Variants in RANBP2 observed in about 807,000 individuals in gnomAD.
The protein encoded by RANBP2 is RAN binding protein 2.
A neutral mutation model predicts 303.6 loss-of-function variants in RANBP2; 57 were observed. The ratio of observed to expected loss-of-function variants is 0.19; its 90% confidence interval spans 0.15 to 0.23. The LOEUF is 0.23. RANBP2 is among the 10% of genes least tolerant of loss of function. The probability of loss-of-function intolerance (pLI) is 1.00; values close to 1 mark genes in which losing one functional copy is unlikely to be tolerated. For synonymous variants in RANBP2, 1,167 were observed against 1,301.5 expected, an observed-to-expected ratio of 0.90 and a Z score of 2.23; for missense variants, 3,138 against 3,780.8, an observed-to-expected ratio of 0.83 and a Z score of 4.46.
chr2:109,372,504 G>A, the RANBP2 span, among the ~76,000 whole-genome samples: 1 of 152,216 alleles, frequency 6.6e-6, no homozygotes, highest in Non-Finnish European at 1.5e-5. Flanking sequence ...TTGTGTGCCA[G>A]ACACTTGGAA....
the RANBP2 span, among the ~76,000 whole-genome samples, chr2:109,249,191 A>G: frequency 6.6e-6 from 1 of 151,910 alleles, no homozygotes; most frequent in Non-Finnish European, 1.5e-5. Context: ...CAAGAACTAC[A>G]CTCGTTAACT....
chr2:109,621,914 A>AAAATAAATAAATAAATAAAT, the RANBP2 span, among the ~76,000 whole-genome samples: 2,572 of 146,546 alleles, frequency 0.018, 34 homozygotes, highest in African/African-American at 0.024. Context: ...CTCCATCTCA[A>AAAATAAATAAATAAATAAAT]AAATAAATAA....
chr2:108,848,313 C>T, the RANBP2 span, among the ~76,000 whole-genome samples: 1 of 152,122 alleles, frequency 6.6e-6, no homozygotes, highest in African/African-American at 2.4e-5. Context: ...TCTGTCACCA[C>T]TTGTGTGCAG....
the RANBP2 span, among the ~76,000 whole-genome samples, chr2:109,550,335 C>T: frequency 5.9e-4 from 88 of 149,966 alleles, no homozygotes; most frequent in African/African-American, 2.1e-3. Flanking sequence ...TTTTTTGAGA[C>T]GGATTCTCGC....
At chr2:108,795,603 G>A in the RANBP2 span, among the ~76,000 whole-genome samples, 2 of 152,192 alleles carry the variant, frequency 1.3e-5, no homozygotes, top group Admixed American at 6.5e-5. Flanking sequence ...ATTTCGTTTT[G>A]TCAAAGTAAT....
At chr2:108,906,081 A>G in the RANBP2 span, among the ~76,000 whole-genome samples, 1 of 149,404 alleles carries the variant, frequency 6.7e-6, no homozygotes, top group Admixed American at 6.6e-5. Context: ...CTCCCGCCCC[A>G]TGAGGGGAAG....
chr2:109,523,111 G>A, the RANBP2 span, among the ~76,000 whole-genome samples: 1 of 152,152 alleles, frequency 6.6e-6, no homozygotes, highest in Admixed American at 6.5e-5. Context: ...GGTTGCCTGG[G>A]GGTAGTCAGA....
At chr2:109,278,161 A>C in the RANBP2 span, among the ~76,000 whole-genome samples, 1 of 149,936 alleles carries the variant, frequency 6.7e-6, no homozygotes, top group African/African-American at 2.5e-5. Context: ...TGAGTGATAG[A>C]GCAAGACCCA....
At chr2:109,195,962 T>G in the RANBP2 span, among the ~76,000 whole-genome samples, 1 of 152,204 alleles carries the variant, frequency 6.6e-6, no homozygotes, top group Non-Finnish European at 1.5e-5. Flanking sequence ...CCAGGTACCT[T>G]GCGGGCCTTC....
the RANBP2 span, among the ~76,000 whole-genome samples, chr2:109,650,911 A>G: frequency 6.6e-6 from 1 of 152,120 alleles, no homozygotes; most frequent in African/African-American, 2.4e-5. Context: ...TAATACGACA[A>G]CCTAGCAGGA....
the RANBP2 span, among the ~76,000 whole-genome samples, chr2:109,415,863 G>A: frequency 2.6e-5 from 4 of 152,150 alleles, no homozygotes; most frequent in South Asian, 4.1e-4. Context: ...TCCCCCAGGC[G>A]CAGCACTGAG....
the RANBP2 span, among the ~76,000 whole-genome samples, chr2:109,509,617 G>T: frequency 6.6e-6 from 1 of 152,068 alleles, no homozygotes; most frequent in East Asian, 1.9e-4. Flanking sequence ...TAGTGGTCAA[G>T]TCAGGAGTTT....
the RANBP2 span, among the ~76,000 whole-genome samples, chr2:108,916,084 G>A: frequency 6.6e-6 from 1 of 152,040 alleles, no homozygotes; most frequent in Non-Finnish European, 1.5e-5. Flanking sequence ...CTGTTTGCTG[G>A]GGGGTAGCCT....
chr2:109,585,074 G>T, the RANBP2 span: 17 of 1,148,816 alleles, frequency 1.5e-5, no homozygotes, highest in South Asian at 1.8e-5. Context: ...GCTATAAGGC[G>T]AATGTCTTGA....
the RANBP2 span, among the ~76,000 whole-genome samples, chr2:109,687,207 C>G: frequency 1.3e-5 from 2 of 152,070 alleles, no homozygotes; most frequent in African/African-American, 2.4e-5. Context: ...TTGTAGGGCT[C>G]AATGCACTCA....
the RANBP2 span, among the ~76,000 whole-genome samples, chr2:109,458,532 A>G: frequency 2.1e-5 from 3 of 145,576 alleles, no homozygotes; most frequent in Non-Finnish European, 4.5e-5. Flanking sequence ...ATTGGTTTGT[A>G]TCAGTCAGGG....
the RANBP2 span, chr2:108,846,612 G>A: frequency 1.4e-6 from 1 of 716,546 alleles, no homozygotes; most frequent in African/African-American, 1.8e-5. Flanking sequence ...AGGAGTTTGA[G>A]GCTGCAGTGA....
the RANBP2 span, among the ~76,000 whole-genome samples, chr2:109,640,767 G>T: frequency 6.6e-6 from 1 of 152,126 alleles, no homozygotes; most frequent in Non-Finnish European, 1.5e-5. Flanking sequence ...GCTGTTTACT[G>T]AACAGTCATA....
the RANBP2 span, among the ~76,000 whole-genome samples, chr2:108,835,077 A>G: frequency 4.6e-5 from 7 of 152,346 alleles, no homozygotes; most frequent in African/African-American, 1.4e-4. Context: ...GTCAGAAAAC[A>G]TATCTGCTGC....
Sources: allele counts gnomAD v4.1 joint callset (sites outside exome capture counted in the v4.1 genomes callset), GRCh38; gene constraint gnomAD v4.1.1; transcripts MANE v1.5; gene names NCBI Gene and HGNC (gene_info 2026-07-23, HGNC 2026-07-21).